The following ATP2B1 variants were observed in gnomAD, a reference collection of about 807,000 sequenced individuals.
ATP2B1 encodes plasma membrane calcium-transporting ATPase 1.
Under a neutral mutation model 124.2 loss-of-function variants are expected in ATP2B1, and 14 were observed. That is an observed-to-expected ratio of 0.11 (90% CI 0.07 to 0.18). The LOEUF is 0.18. Among genes scored for constraint, ATP2B1 ranks in the 10% least tolerant of loss-of-function variants. The pLI, the probability that ATP2B1 is intolerant of heterozygous loss-of-function variation, is 1.00. For synonymous variants in ATP2B1, 449 were observed against 492.4 expected, an observed-to-expected ratio of 0.91 and a Z score of 1.17; for missense variants, 763 against 1,466.1, an observed-to-expected ratio of 0.52 and a Z score of 7.83.
At chr12:89,681,415 C>CT (rs1266159938) in intron 1 of ATP2B1, among the ~76,000 whole-genome samples, 1 of 145,334 alleles carries the variant, frequency 6.9e-6, no homozygotes, top group East Asian at 2.0e-4. Context: ...CAGTCTCACT[C>CT]TGTCACCCAG....
intron 1 of ATP2B1, among the ~76,000 whole-genome samples, chr12:89,668,515 G>A (rs1279652149): frequency 2.0e-5 from 3 of 152,056 alleles, no homozygotes; most frequent in Non-Finnish European, 2.9e-5. Context: ...TTTTAATATA[G>A]GCAATTGAAA....
At chr12:89,707,379 G>A (rs1303531927) in intron 1 of ATP2B1, among the ~76,000 whole-genome samples, 2 of 152,186 alleles carry the variant, frequency 1.3e-5, no homozygotes, top group East Asian at 3.8e-4. Context: ...GTCCTCAGGT[G>A]GGGGAGGTTA....
chr12:89,655,466 G>A (rs944726264), intron 2 of ATP2B1: 12 of 547,502 alleles, frequency 2.2e-5, no homozygotes, highest in African/African-American at 3.8e-5. Context: ...ATTTCATCCC[G>A]CCAATCTAAA....
At chr12:89,647,142 A>G (rs1415387901) in intron 2 of ATP2B1, among the ~76,000 whole-genome samples, 1 of 152,244 alleles carries the variant, frequency 6.6e-6, no homozygotes, top group Admixed American at 6.5e-5. Context: ...ATAACTTATA[A>G]GAAAATATAA....
intron 19 of ATP2B1, among the ~76,000 whole-genome samples, chr12:89,600,337 T>C (rs999001630): frequency 1.6e-4 from 24 of 152,320 alleles, no homozygotes; most frequent in Non-Finnish European, 2.9e-4. Flanking sequence ...CCTTCATCTA[T>C]GAAAATGTTA....
chr12:89,654,456 A>G, intron 2 of ATP2B1, among the ~76,000 whole-genome samples: 1 of 152,372 alleles, frequency 6.6e-6, no homozygotes, highest in East Asian at 1.9e-4. Flanking sequence ...GAAAAGATAC[A>G]GAAAACCTTG....
rs193145944 is a variant in ATP2B1 at position 89,603,656 on chromosome 12, G to C, written c.2848+56C>G. 1.3e-5 allele frequency: 20 copies of C among 1,538,200 alleles called. No individual in the cohort carries two copies. The highest frequency in any genetic ancestry group is 1.6e-5 in the Non-Finnish European group (18 of 1,114,364). On this transcript the variant is annotated intron_variant, in intron 17 of 20. Coordinates refer to ENST00000428670, the MANE Select transcript of ATP2B1 (RefSeq NM_001366521.1). The surrounding 1 kb of genome is among the most constrained non-coding windows in gnomAD (Gnocchi z 4.3). ...TTTGTAACATTATAACATCTTGGAT[G>C]ATTAGCTTGGAAAAGAAACAATTAA...
upstream of ATP2B1, chr12:89,709,043 G>C (rs1463565563): frequency 2.6e-5 from 4 of 151,276 alleles, no homozygotes; most frequent in East Asian, 7.8e-4. Context: ...AGCCGCGGGC[G>C]GGGTGCAGCC....
chr12:89,679,874 G>A (rs1298065723), intron 1 of ATP2B1, among the ~76,000 whole-genome samples: 2 of 152,060 alleles, frequency 1.3e-5, no homozygotes, highest in African/African-American at 4.8e-5. Context: ...AGCGGAAATG[G>A]CAGGCACAAT....
chr12:89,680,774 C>T (rs922243479), intron 1 of ATP2B1, among the ~76,000 whole-genome samples: 1 of 152,040 alleles, frequency 6.6e-6, no homozygotes, highest in Non-Finnish European at 1.5e-5. Context: ...GAACAATCTA[C>T]TTCAAGACAT....
intron 6 of ATP2B1, among the ~76,000 whole-genome samples, chr12:89,629,091 G>A (rs912517535): frequency 1.3e-5 from 2 of 152,194 alleles, no homozygotes; most frequent in Admixed American, 1.3e-4. Flanking sequence ...ATAAGACTCA[G>A]GGGGAAAAGA....
chr12:89,617,121 A>T, intron 11 of ATP2B1, 82 bp from the exon 12 acceptor site: 1 of 1,018,784 alleles, frequency 9.8e-7, no homozygotes, highest in Non-Finnish European at 1.5e-6. Context: ...GCAGGCCTAG[A>T]AATCATGGGA....
At chr12:89,607,726 C>T (rs1022035092) in intron 15 of ATP2B1, among the ~76,000 whole-genome samples, 1 of 152,108 alleles carries the variant, frequency 6.6e-6, no homozygotes, top group African/African-American at 2.4e-5. Flanking sequence ...TTCTCTCCTT[C>T]GACCAAAACT....
intron 1 of ATP2B1, among the ~76,000 whole-genome samples, chr12:89,695,936 C>G (rs575924840): frequency 1.1e-4 from 16 of 152,244 alleles, no homozygotes; most frequent in African/African-American, 3.1e-4. Flanking sequence ...AATTCTCACC[C>G]CAAGCACACT....
chr12:89,636,486 A>C (rs752282299), intron 3 of ATP2B1, among the ~76,000 whole-genome samples: 3 of 152,244 alleles, frequency 2.0e-5, no homozygotes, highest in East Asian at 1.9e-4. Context: ...ATGTGAAGTT[A>C]TTTCTTTTTA....
intron 1 of ATP2B1, among the ~76,000 whole-genome samples, chr12:89,701,215 T>C (rs1442718693): frequency 6.6e-6 from 1 of 152,220 alleles, no homozygotes; most frequent in African/African-American, 2.4e-5. Flanking sequence ...AATGATATGA[T>C]GCTCAGTCTT....
chr12:89,667,608 C>T (rs1046217420), intron 1 of ATP2B1, among the ~76,000 whole-genome samples: 1 of 152,078 alleles, frequency 6.6e-6, no homozygotes, highest in Non-Finnish European at 1.5e-5. Context: ...CTTACCAGTC[C>T]CAAAGGTATC....
intron 3 of ATP2B1, among the ~76,000 whole-genome samples, chr12:89,639,069 G>A (rs189697898): frequency 6.6e-6 from 1 of 152,144 alleles, no homozygotes; most frequent in South Asian, 2.1e-4. Flanking sequence ...TTCACATCAA[G>A]TAATATTAGG....
intron 2 of ATP2B1, among the ~76,000 whole-genome samples, chr12:89,651,533 G>C (rs1295016738): frequency 6.6e-6 from 1 of 152,094 alleles, no homozygotes; most frequent in African/African-American, 2.4e-5. Context: ...CTCCCAAAAT[G>C]CTAGGATTAC....
Sources: allele counts gnomAD v4.1 joint callset (sites outside exome capture counted in the v4.1 genomes callset), GRCh38; gene constraint gnomAD v4.1.1; non-coding constraint Gnocchi (gnomAD v3.1); transcripts MANE v1.5; gene names NCBI Gene and HGNC (gene_info 2026-07-23, HGNC 2026-07-21).